Variants in RALYL observed in about 807,000 individuals in gnomAD.
RALYL encodes RNA-binding Raly-like protein.
In RALYL, 29 loss-of-function variants were observed where a neutral mutation model predicts 35.1. The ratio of observed to expected loss-of-function variants is 0.83; its 90% CI spans 0.61 to 1.13. The LOEUF is 1.13. RALYL is among the 50% of genes most tolerant of loss of function. RALYL has a pLI of 0.00. For missense variants in RALYL, 359 were observed against 360.4 expected, an observed-to-expected ratio of 1.00 and a Z score of 0.03; for synonymous variants, 120 against 127.6, an observed-to-expected ratio of 0.94 and a Z score of 0.40.
intron 1 of RALYL, among the ~76,000 whole-genome samples, chr8:84,223,600 A>G (rs1823068637): frequency 6.6e-6 from 1 of 152,198 alleles, no homozygotes; most frequent in Non-Finnish European, 1.5e-5. Flanking sequence ...AATCTACACA[A>G]TGCAGCATTT....
rs1554650721 is a variant in RALYL at position 84,913,040 on chromosome 8, G to GTAGATAGATAGA, written c.859-7815_859-7804dup. ...GATGGATGGATGGATGGATAGGTAG[G>GTAGATAGATAGA]TAGATAGATAGATAGATAGATAGAT... is the stretch of plus-strand genomic sequence containing the variant. On this transcript the variant is annotated intron_variant, in intron 8 of 8. Coordinates refer to ENST00000521268, the MANE Select transcript of RALYL (RefSeq NM_173848.7). Among the ~76,000 whole-genome samples the GTAGATAGATAGA allele has an allele frequency of 6.4e-3, 835 of 130,060 alleles. 2 individuals carry two copies. Among genetic ancestry groups the GTAGATAGATAGA allele is most frequent in the African/African-American group, 0.015 (468 of 31,252 alleles). The allele number at this position is 130,060 out of a possible 152,430, so 85.3% of individuals were successfully genotyped here.
chr8:84,764,575 G>T (rs1482754114), intron 2 of RALYL, among the ~76,000 whole-genome samples: 2 of 152,092 alleles, frequency 1.3e-5, no homozygotes, highest in Non-Finnish European at 2.9e-5. Context: ...ACTTTGATTT[G>T]CCCTTGCAGA....
At chr8:84,637,538 A>T (rs1052098250) in intron 2 of RALYL, among the ~76,000 whole-genome samples, 1 of 152,002 alleles carries the variant, frequency 6.6e-6, no homozygotes, top group Non-Finnish European at 1.5e-5. Context: ...ATTTACCAAA[A>T]CTAGTAATGG....
At chr8:84,186,159 T>G (rs1195205233) in intron 1 of RALYL, among the ~76,000 whole-genome samples, 1 of 152,224 alleles carries the variant, frequency 6.6e-6, no homozygotes, top group Non-Finnish European at 1.5e-5. Flanking sequence ...GAAGATAGTT[T>G]ATGTCACTGT....
chr8:84,722,638 T>TATATAC (rs1484520348), intron 2 of RALYL, among the ~76,000 whole-genome samples: 2 of 143,754 alleles, frequency 1.4e-5, no homozygotes, highest in African/African-American at 5.2e-5. Flanking sequence ...TATATATATA[T>TATATAC]ATATATATAT....
At chr8:84,312,768 G>A (rs1843050140) in intron 1 of RALYL, among the ~76,000 whole-genome samples, 1 of 152,214 alleles carries the variant, frequency 6.6e-6, no homozygotes, top group South Asian at 2.1e-4. Flanking sequence ...TTTCCAGATG[G>A]CATTGAGTGT....
chr8:84,673,291 T>G (rs911224212), intron 2 of RALYL, among the ~76,000 whole-genome samples: 5 of 152,228 alleles, frequency 3.3e-5, no homozygotes, highest in African/African-American at 9.6e-5. Context: ...ATGGGTAAAC[T>G]GCAAAAATTT....
intron 1 of RALYL, among the ~76,000 whole-genome samples, chr8:84,262,810 T>A (rs1832564653): frequency 6.6e-6 from 1 of 152,140 alleles, no homozygotes. Flanking sequence ...GTAGAATACA[T>A]AGGTGTGCAG....
chr8:84,192,407 T>C (rs1315192089), intron 1 of RALYL, among the ~76,000 whole-genome samples: 1 of 152,236 alleles, frequency 6.6e-6, no homozygotes, highest in Non-Finnish European at 1.5e-5. Context: ...ATTTATTTTA[T>C]TTCACTTTTT....
rs543625764 is a variant in RALYL at position 84,340,508 on chromosome 8, A to G, written c.-24+156084A>G. ...TTAAAAGACTTTGACTATTTTAGAT[A>G]CTTCATGTAAGTGGAACCATGCAGT... On this transcript the variant is annotated intron_variant, in intron 1 of 8. Transcript: ENST00000521268. Among the ~76,000 whole-genome samples, 7 of 152,198 alleles carry G rather than the reference A, an allele frequency of 4.6e-5. No homozygotes were observed. The Middle Eastern group carries it at 0.01, about 222-fold the overall frequency.
At chr8:84,837,264 C>G (rs1832214277) in intron 4 of RALYL, among the ~76,000 whole-genome samples, 1 of 152,206 alleles carries the variant, frequency 6.6e-6, no homozygotes, top group Non-Finnish European at 1.5e-5. Context: ...ATGTTATTCA[C>G]AACTCCTAGT....
intron 1 of RALYL, among the ~76,000 whole-genome samples, chr8:84,528,704 C>T (rs959956899): frequency 3.3e-5 from 5 of 151,932 alleles, no homozygotes; most frequent in African/African-American, 7.3e-5. Flanking sequence ...CTGGCTAAGT[C>T]GCTTATTTTT....
intron 1 of RALYL, among the ~76,000 whole-genome samples, chr8:84,457,794 G>T (rs1242664553): frequency 6.6e-6 from 1 of 151,700 alleles, no homozygotes; most frequent in East Asian, 1.9e-4. Context: ...CCTTAAGTCA[G>T]ACCAAATTAG....
At chr8:84,768,224 G>T (rs758278521) in intron 2 of RALYL, among the ~76,000 whole-genome samples, 13 of 152,238 alleles carry the variant, frequency 8.5e-5, no homozygotes, top group East Asian at 1.9e-4. Context: ...CTGCTAGGAT[G>T]CCATACTGTG....
At chr8:84,680,239 C>T (rs1160292149) in intron 2 of RALYL, among the ~76,000 whole-genome samples, 3 of 152,170 alleles carry the variant, frequency 2.0e-5, no homozygotes, top group Non-Finnish European at 4.4e-5. Flanking sequence ...TTTCTTAACC[C>T]AGTCTATCAT....
At chr8:84,494,818 A>G (rs1043779590) in intron 1 of RALYL, among the ~76,000 whole-genome samples, 4 of 152,062 alleles carry the variant, frequency 2.6e-5, no homozygotes, top group African/African-American at 9.7e-5. Context: ...GGAGTTTTCT[A>G]AATATAGGAT....
At chr8:84,775,746 T>C (rs1179188643) in intron 3 of RALYL, among the ~76,000 whole-genome samples, 2 of 152,168 alleles carry the variant, frequency 1.3e-5, no homozygotes, top group Non-Finnish European at 2.9e-5. Flanking sequence ...TAGAATTGAG[T>C]TGATTTTGGG....
rs140402052 is a variant in RALYL at position 84,571,088 on chromosome 8, A to G, written c.256+41511A>G. ...AGTTTTGCTTCTAGGTTCATCAGGGATATTGCATGTAGTTCTCTTTTTTGT... is the reference window on the plus strand; with the variant it reads ...AGTTTTGCTTCTAGGTTCATCAGGGGTATTGCATGTAGTTCTCTTTTTTGT... On this transcript the variant is annotated intron_variant, in intron 2 of 8. Transcript: ENST00000521268. Among the ~76,000 whole-genome samples the G allele has an allele frequency of 1.8e-3, 280 of 151,656 alleles. 1 individual carries two copies. The highest frequency in any genetic ancestry group is 6.6e-3 in the African/African-American group (273 of 41,450).
At chr8:84,827,144 A>G (rs1336066822) in intron 4 of RALYL, among the ~76,000 whole-genome samples, 2 of 152,134 alleles carry the variant, frequency 1.3e-5, no homozygotes, top group Non-Finnish European at 2.9e-5. Context: ...AAAAAGATAA[A>G]CAGATGGAAA....
Sources: gnomAD v4.1 joint callset for allele counts (sites outside exome capture counted in the v4.1 genomes callset) on GRCh38, gnomAD v4.1.1 for gene constraint, MANE v1.5 for transcripts, NCBI Gene and HGNC (gene_info 2026-07-23, HGNC 2026-07-21) for gene names.